Variants in TLN2 observed in about 807,000 individuals in gnomAD.
TLN2 encodes the protein talin 2, also known as talin-2.
Under a neutral mutation model 294.7 loss-of-function variants are expected in TLN2, and 118 were observed. That is an observed-to-expected ratio of 0.40 (90% CI 0.34 to 0.47). The LOEUF (loss-of-function observed/expected upper bound fraction) is 0.47. Among genes scored for constraint, TLN2 ranks in the 20% least tolerant of loss-of-function variants. The pLI is 0.84. For missense variants in TLN2, 3,083 were observed against 3,282.2 expected (o/e 0.94, Z 1.48); for synonymous variants, 1,431 against 1,304.5 (o/e 1.10, Z -2.09).
chr15:62,706,196 G>T (rs2059056009), intron 19 of TLN2, among the ~76,000 whole-genome samples: 1 of 135,704 alleles, frequency 7.4e-6, no homozygotes, highest in African/African-American at 2.6e-5. Context: ...TCATATGTTT[G>T]GGAAGGCATT....
intron 25 of TLN2, among the ~76,000 whole-genome samples, chr15:62,722,102 C>G (rs1485875212): frequency 6.6e-6 from 1 of 152,166 alleles, no homozygotes; most frequent in African/African-American, 2.4e-5. Flanking sequence ...TTTCAAGCCA[C>G]TATTCTAATT....
At chr15:62,476,829 G>A (rs1003536112) in intron 1 of TLN2, among the ~76,000 whole-genome samples, 1 of 152,156 alleles carries the variant, frequency 6.6e-6, no homozygotes, top group African/African-American at 2.4e-5. Flanking sequence ...TGCCTGGCAT[G>A]TACCTTCTCA....
At chr15:62,708,403 G>C (rs2059204981) in intron 20 of TLN2, 99 bp from the exon 21 acceptor site, 1 of 1,267,496 alleles carries the variant, frequency 7.9e-7, no homozygotes, top group Non-Finnish European at 1.1e-6. Context: ...AAGAAACCGA[G>C]GCCCAGAGCA....
chr15:62,751,498 G>A (rs534034117), intron 34 of TLN2, among the ~76,000 whole-genome samples: 17 of 152,328 alleles, frequency 1.1e-4, no homozygotes, highest in Middle Eastern at 3.4e-3. Context: ...GTATATCTAA[G>A]CAATTTTAGG....
chr15:62,607,396 G>C (rs78271349), intron 2 of TLN2, among the ~76,000 whole-genome samples: 20,112 of 152,070 alleles, frequency 0.13, 1,663 homozygotes, highest in African/African-American at 0.22. Context: ...TAAGCTAAAA[G>C]AGCTTTATTC....
intron 57 of TLN2, 170 bp downstream of exon 57, chr15:62,836,243 C>A: frequency 1.1e-6 from 1 of 924,918 alleles, no homozygotes; most frequent in Non-Finnish European, 1.6e-6. Context: ...CCACTGCTGC[C>A]CCACCACGCT....
At chr15:62,744,361 T>C (rs750609193) in intron 32 of TLN2, among the ~76,000 whole-genome samples, 34 of 151,996 alleles carry the variant, frequency 2.2e-4, no homozygotes, top group Non-Finnish European at 4.3e-4. Context: ...GCAAACACCT[T>C]GCCATCCTAG....
At chr15:62,547,119 T>C (rs1046044953) in intron 1 of TLN2, among the ~76,000 whole-genome samples, 2 of 152,202 alleles carry the variant, frequency 1.3e-5, no homozygotes, top group African/African-American at 4.8e-5. Context: ...TCCCAATTAT[T>C]ATAGGTAAAT....
At chr15:62,575,148 A>C (rs988522468) in intron 1 of TLN2, among the ~76,000 whole-genome samples, 4 of 152,112 alleles carry the variant, frequency 2.6e-5, no homozygotes, top group Non-Finnish European at 5.9e-5. Flanking sequence ...CCTCATCTCC[A>C]CCAAAAATTT....
At chr15:62,690,778 A>G (rs948641751) in intron 12 of TLN2, among the ~76,000 whole-genome samples, 5 of 151,004 alleles carry the variant, frequency 3.3e-5, no homozygotes, top group Admixed American at 1.3e-4. Flanking sequence ...CGGGAGGCCG[A>G]GGCTGGCGGA....
At chr15:62,456,141 G>A (rs1478199769) in intron 1 of TLN2, among the ~76,000 whole-genome samples, 1 of 151,754 alleles carries the variant, frequency 6.6e-6, no homozygotes, top group Non-Finnish European at 1.5e-5. Flanking sequence ...CTGATCGTCC[G>A]GGGAGTACCT....
intron 48 of TLN2, 124 bp from the exon 49 acceptor site, chr15:62,800,244 G>T (rs1481362814): frequency 2.5e-5 from 37 of 1,455,720 alleles, no homozygotes; most frequent in Non-Finnish European, 3.4e-5. Flanking sequence ...CTGCCATGCT[G>T]CAGACTTCAG....
chr15:62,824,723 A>G (rs2067882701), intron 54 of TLN2, among the ~76,000 whole-genome samples: 1 of 152,228 alleles, frequency 6.6e-6, no homozygotes, highest in African/African-American at 2.4e-5. Context: ...TGACTGTGGC[A>G]GGAAGTTTGG....
chr15:62,813,495 A>G (rs574073408), intron 52 of TLN2, among the ~76,000 whole-genome samples: 116 of 152,282 alleles, frequency 7.6e-4, no homozygotes, highest in African/African-American at 2.6e-3. Context: ...TGCGATAAGG[A>G]TTTTTCCCCC....
chr15:62,796,764 A>G (rs746783357), intron 47 of TLN2, among the ~76,000 whole-genome samples: 13 of 152,142 alleles, frequency 8.5e-5, no homozygotes, highest in East Asian at 1.9e-4. Context: ...CCCCTCTGCA[A>G]TCCAAGGGCT....
intron 5 of TLN2, among the ~76,000 whole-genome samples, chr15:62,650,601 T>C (rs1438758237): frequency 6.6e-6 from 1 of 152,162 alleles, no homozygotes; most frequent in Non-Finnish European, 1.5e-5. Context: ...CAATTTGAGA[T>C]GTGAGTTTAA....
At chr15:62,494,147 A>G (rs2038897545) in intron 1 of TLN2, among the ~76,000 whole-genome samples, 1 of 152,110 alleles carries the variant, frequency 6.6e-6, no homozygotes. Context: ...CAATTATCCA[A>G]GTACCCCAAG....
At chr15:62,656,919 G>C (rs2053274366) in intron 8 of TLN2, among the ~76,000 whole-genome samples, 1 of 152,220 alleles carries the variant, frequency 6.6e-6, no homozygotes, top group Admixed American at 6.5e-5. Context: ...GTGTGGCCCA[G>C]GAGGTTTGAA....
intron 3 of TLN2, among the ~76,000 whole-genome samples, chr15:62,631,567 CTTTCCTTTCT>C (rs2049867580): frequency 1.6e-5 from 2 of 123,032 alleles, no homozygotes; most frequent in African/African-American, 3.2e-5. Context: ...CTTTCCTTTC[CTTTCCTTTCT>C]TTCTCTCTCT....
Sources: allele counts gnomAD v4.1 joint callset (sites outside exome capture counted in the v4.1 genomes callset), GRCh38; gene constraint gnomAD v4.1.1; transcripts MANE v1.5; gene names NCBI Gene and HGNC (gene_info 2026-07-23, HGNC 2026-07-21).